Variants in TOPAZ1 observed in about 807,000 individuals in gnomAD.
TOPAZ1 encodes the protein testis and ovary specific TOPAZ 1.
A neutral mutation model predicts 172.2 loss-of-function variants in TOPAZ1; 66 were observed. The observed-to-expected ratio is 0.38, with a 90% CI of 0.31 to 0.47. The LOEUF (loss-of-function observed/expected upper bound fraction) is 0.47, where lower values mean the gene tolerates loss of function less well. TOPAZ1 is among the 20% of genes least tolerant of loss of function. The probability of loss-of-function intolerance (pLI) is 0.99; values close to 1 mark genes in which losing one functional copy is unlikely to be tolerated. For synonymous variants in TOPAZ1, 681 were observed against 683.9 expected (o/e 1.00, Z 0.07); for missense variants, 1,822 against 1,972.4 (o/e 0.92, Z 1.44).
At position 44,290,834 on chromosome 3, in the gene TOPAZ1, C is replaced by A; in HGVS notation, c.3745C>A (p.Gln1249Lys). ...HFNYIVKLLY[Q>K]VQASKQEITA... is the part of the protein sequence containing the mutation. Reference sequence around the variant, plus strand: ...TAACTATATTGTTAAGCTTTTATACCAAGTACAAGCTTCCAAACAAGAAAT... The same window carrying A: ...TAACTATATTGTTAAGCTTTTATACAAAGTACAAGCTTCCAAACAAGAAAT... The change falls in exon 12 of 20, where the codon CAA becomes AAA. Residue 1249 changes from glutamine (Q) to lysine (K), a missense_variant. Coordinates refer to ENST00000309765, the MANE Select transcript of TOPAZ1 (RefSeq NM_001145030.2). 2 of 1,549,620 alleles carry A rather than the reference C, an allele frequency of 1.3e-6. No individual in the cohort carries two copies. Among genetic ancestry groups the A allele is most frequent in the South Asian group, 1.2e-5 (1 of 83,590 alleles).
intron 15 of TOPAZ1, among the ~76,000 whole-genome samples, chr3:44,307,228 G>A (rs1450990124): frequency 2.0e-5 from 3 of 151,916 alleles, no homozygotes; most frequent in African/African-American, 7.3e-5. Context: ...CTCCATGTTG[G>A]TCAGGCTGGT....
chr3:44,270,581 C>T (rs962285370), intron 7 of TOPAZ1, 104 bp from the exon 8 acceptor site: 1 of 692,380 alleles, frequency 1.4e-6, no homozygotes, highest in South Asian at 7.1e-5. Context: ...TATCTTGATA[C>T]TCTTTGGAAT....
intron 5 of TOPAZ1, among the ~76,000 whole-genome samples, chr3:44,265,314 C>G (rs982974980): frequency 2.6e-5 from 4 of 152,226 alleles, no homozygotes; most frequent in Non-Finnish European, 5.9e-5. Flanking sequence ...GTAATCCCAG[C>G]ACTTCGGGAG....
rs1333047766 is a variant in TOPAZ1, at chr3:44,242,183, C to T, written c.130C>T (p.Arg44Trp). The T allele has an allele frequency of 1.0e-5, 16 of 1,542,068 alleles. No homozygotes were observed. The highest frequency in any genetic ancestry group is 4.2e-5 in the Admixed American group (2 of 47,716). The stretch of plus-strand genomic sequence containing the variant: ...CTGTGGCCCTGAGGCCGGGGGGTGC[C>T]GGGAAAATAAGCAAAAGAGGAGAAT... ...GGCGPEAGGC[R>W]ENKQKRRMVA... Residue 44 changes from arginine (R) to tryptophan (W), a missense_variant, in exon 1 of 20, where the codon CGG becomes TGG. This residue lies in a region of TOPAZ1 where 1,489 missense variants were observed against 1,490.8 expected (regional missense o/e 1.00). Transcript: ENST00000309765.
chr3:44,256,314 G>A, intron 4 of TOPAZ1, 36 bp downstream of exon 4: 3 of 1,502,600 alleles, frequency 2.0e-6, no homozygotes, highest in Non-Finnish European at 1.8e-6. Context: ...TTATTTCTTG[G>A]TCTTAAATAG....
At chr3:44,290,570 AACTT>A (rs1185574550) in intron 11 of TOPAZ1, among the ~76,000 whole-genome samples, 197 bp from the exon 12 acceptor site, 1 of 152,172 alleles carries the variant, frequency 6.6e-6, no homozygotes, top group Admixed American at 6.5e-5. Context: ...AAAATCCAAA[AACTT>A]AATATTTTCA....
intron 5 of TOPAZ1, among the ~76,000 whole-genome samples, chr3:44,266,668 G>T (rs1699833244): frequency 6.6e-6 from 1 of 152,102 alleles, no homozygotes; most frequent in Admixed American, 6.6e-5. Context: ...CCCTCTTATA[G>T]GGGCTTAGTT....
intron 13 of TOPAZ1, among the ~76,000 whole-genome samples, chr3:44,304,473 C>T (rs145295256): frequency 1.3e-5 from 2 of 152,288 alleles, no homozygotes; most frequent in African/African-American, 4.8e-5. Flanking sequence ...ACACTGAACT[C>T]TCCAACCATT....
At chr3:44,281,466 T>C (rs1700023092) in intron 8 of TOPAZ1, among the ~76,000 whole-genome samples, 1 of 152,216 alleles carries the variant, frequency 6.6e-6, no homozygotes, top group Non-Finnish European at 1.5e-5. Context: ...TTGAAGATCT[T>C]TGCCAAGATC....
At chr3:44,242,768 G>A (rs1699500883) in intron 1 of TOPAZ1, 85 bp from the exon 2 acceptor site, 1 of 1,083,214 alleles carries the variant, frequency 9.2e-7, no homozygotes, top group East Asian at 2.7e-5. Flanking sequence ...AAAAATGATA[G>A]CCTCACAATT....
At chr3:44,271,642 A>G (rs1699899959) in intron 8 of TOPAZ1, among the ~76,000 whole-genome samples, 1 of 152,090 alleles carries the variant, frequency 6.6e-6, no homozygotes, top group Non-Finnish European at 1.5e-5. Flanking sequence ...ATTGAAAACT[A>G]TAGTTTATTT....
intron 11 of TOPAZ1, 85 bp downstream of exon 11, chr3:44,287,924 C>G (rs1575722050): frequency 3.1e-6 from 2 of 644,134 alleles, no homozygotes; most frequent in East Asian, 6.5e-5. Context: ...CTTGAGCTGC[C>G]TTTTATTCAC....
At position 44,262,223 on chromosome 3, in the gene TOPAZ1, T is replaced by C. The variant is rs1468091198; in HGVS notation, c.2956-196T>C. ...ATTTTGACTTATATTAATTTTTCTC[T>C]TAAGCAGCAGTGGAAATTTTAAAGT... On this transcript the variant is annotated intron_variant, in intron 4 of 19. Transcript: ENST00000309765. Among the ~76,000 whole-genome samples the C allele has an allele frequency of 2.6e-5, 4 of 152,174 alleles. No individual in the cohort carries two copies. The East Asian group carries it at 7.7e-4, about 29-fold the overall frequency.
At position 44,244,004 on chromosome 3, in the gene TOPAZ1, G is replaced by A; in HGVS notation, c.1498G>A (p.Ala500Thr). 6.4e-7 allele frequency: 1 copy of A among 1,552,190 alleles called. No homozygotes were observed. The highest frequency in any genetic ancestry group is 8.7e-7 in the Non-Finnish European group (1 of 1,147,090). The change falls in exon 2 of 20, where the codon GCT becomes ACT. Residue 500 changes from alanine (A) to threonine (T), a missense_variant. Transcript: ENST00000309765. ...GKRTWPYYSC[A>T]RISAWCWKKA... ...AAGAACTTGGCCCTATTATTCATGT[G>A]CTAGAATATCTGCCTGGTGTTGGAA...
At chr3:44,303,619 C>G (rs1290278887) in intron 12 of TOPAZ1, among the ~76,000 whole-genome samples, 1 of 151,148 alleles carries the variant, frequency 6.6e-6, no homozygotes, top group Non-Finnish European at 1.5e-5. Context: ...TGTTTACTTG[C>G]TCTGTTTTTG....
chr3:44,257,955 G>C (rs1292120330), intron 4 of TOPAZ1, among the ~76,000 whole-genome samples: 1 of 151,964 alleles, frequency 6.6e-6, no homozygotes, highest in Non-Finnish European at 1.5e-5. Context: ...ATTCATAAGA[G>C]GTTGGCTAGA....
chr3:44,327,898 C>T (rs1299266007), intron 18 of TOPAZ1, among the ~76,000 whole-genome samples: 2 of 152,054 alleles, frequency 1.3e-5, no homozygotes, highest in Non-Finnish European at 2.9e-5. Context: ...GCACCCGCCA[C>T]CACACCCAAC....
At chr3:44,276,653 T>TTTTTTTTG in intron 8 of TOPAZ1, among the ~76,000 whole-genome samples, 1 of 56,636 alleles carries the variant, frequency 1.8e-5, no homozygotes. Context: ...TTTTTTTTTT[T>TTTTTTTTG]CCAGAATTGC....
chr3:44,315,079 T>C (rs1700436206), intron 16 of TOPAZ1, among the ~76,000 whole-genome samples: 1 of 150,856 alleles, frequency 6.6e-6, no homozygotes, highest in Non-Finnish European at 1.5e-5. Context: ...TGGCACAGAG[T>C]AAATATTTAG....
Sources: allele counts gnomAD v4.1 joint callset (sites outside exome capture counted in the v4.1 genomes callset), GRCh38; gene constraint gnomAD v4.1.1; regional missense constraint gnomAD v4.1.1; transcripts MANE v1.5; gene names NCBI Gene and HGNC (gene_info 2026-07-23, HGNC 2026-07-21).